DCLK1: variants seen among roughly 807,000 people sequenced by gnomAD.
DCLK1 encodes serine/threonine-protein kinase DCLK1.
Under a neutral mutation model 86.2 loss-of-function variants are expected in DCLK1, and 16 were observed. That is an observed-to-expected ratio of 0.19 (90% confidence interval 0.13 to 0.28). The LOEUF (loss-of-function observed/expected upper bound fraction) is 0.28, where lower values mean the gene tolerates loss of function less well. Ranked by LOEUF, DCLK1 falls within the 10% of genes least tolerant of loss-of-function variation. The probability of loss-of-function intolerance (pLI) is 1.00; values close to 1 mark genes in which losing one functional copy is unlikely to be tolerated. For synonymous variants in DCLK1, 369 were observed against 370.5 expected (o/e 1.00, Z 0.05); for missense variants, 590 against 940.2 (o/e 0.63, Z 4.87).
chr13:35,879,111 A>C (rs1307048171), intron 4 of DCLK1, among the ~76,000 whole-genome samples: 1 of 152,218 alleles, frequency 6.6e-6, no homozygotes, highest in East Asian at 1.9e-4. Context: ...ATAAAACACA[A>C]AAGTGAAAAA....
At chr13:35,941,605 GCACA>G (rs1302645828) in intron 4 of DCLK1, among the ~76,000 whole-genome samples, 1 of 151,786 alleles carries the variant, frequency 6.6e-6, no homozygotes, top group Non-Finnish European at 1.5e-5. Flanking sequence ...ATACACACAC[GCACA>G]CACACACGCA....
At chr13:36,098,844 G>C (rs757445038) in intron 3 of DCLK1, among the ~76,000 whole-genome samples, 21 of 152,104 alleles carry the variant, frequency 1.4e-4, no homozygotes, top group Non-Finnish European at 2.8e-4. Flanking sequence ...CTGAGGGCTA[G>C]GACATTTAGT....
intron 4 of DCLK1, among the ~76,000 whole-genome samples, chr13:35,874,173 C>A (rs1354593406): frequency 1.3e-5 from 2 of 152,164 alleles, no homozygotes; most frequent in Non-Finnish European, 1.5e-5. Context: ...TCTTCCCTAT[C>A]CACGCAATTT....
intron 6 of DCLK1, among the ~76,000 whole-genome samples, chr13:35,840,839 C>A (rs989254844): frequency 6.6e-6 from 1 of 152,216 alleles, no homozygotes; most frequent in Non-Finnish European, 1.5e-5. Flanking sequence ...GGATGGACAT[C>A]TTTTTGTGAA....
At position 35,909,597 on chromosome 13, in the gene DCLK1, ATGTGTGTG is replaced by A. The variant is rs57044533; in HGVS notation, c.823+37753_823+37760del. ...TCTGGTTATTAATTGCTGTGTGCAT[ATGTGTGTG>A]TGTGTGTGTGTGTGTGTGTGTGTGT... is the stretch of plus-strand genomic sequence containing the variant. On this transcript the variant is annotated intron_variant, in intron 4 of 16. Transcript: ENST00000360631. 3.0e-3 allele frequency among the ~76,000 whole-genome samples: 444 copies of A among 146,230 alleles called. 5 individuals carry two copies. The highest frequency in any genetic ancestry group is 9.3e-3 in the African/African-American group (366 of 39,236).
intron 4 of DCLK1, among the ~76,000 whole-genome samples, chr13:35,929,912 G>A (rs909996873): frequency 6.7e-6 from 1 of 148,180 alleles, no homozygotes; most frequent in African/African-American, 2.5e-5. Flanking sequence ...TTTTCCAGAG[G>A]TGTTAAGAGA....
At chr13:35,776,564 T>G (rs564065075) in intron 16 of DCLK1, among the ~76,000 whole-genome samples, 1 of 152,314 alleles carries the variant, frequency 6.6e-6, no homozygotes, top group East Asian at 1.9e-4. Flanking sequence ...CACCCAGGTT[T>G]CTCATCTTTT....
intron 4 of DCLK1, among the ~76,000 whole-genome samples, chr13:35,901,490 T>TAAA (rs1195649939): frequency 5.4e-4 from 1 of 1,860 alleles, no homozygotes. Flanking sequence ...AGACTCTGTC[T>TAAA]CAAAAAAAAA....
At chr13:35,786,861 A>G (rs1161939382) in intron 16 of DCLK1, among the ~76,000 whole-genome samples, 1 of 152,166 alleles carries the variant, frequency 6.6e-6, no homozygotes, top group Non-Finnish European at 1.5e-5. Context: ...TTATAAATGG[A>G]GAAGACACAA....
chr13:36,074,342 A>G (rs896108428), intron 3 of DCLK1, among the ~76,000 whole-genome samples: 1 of 151,948 alleles, frequency 6.6e-6, no homozygotes, highest in African/African-American at 2.4e-5. Flanking sequence ...CTCTACTAAA[A>G]ATACAAAAAA....
intron 3 of DCLK1, among the ~76,000 whole-genome samples, chr13:36,049,138 C>CT (rs1466076139): frequency 1.3e-5 from 2 of 152,052 alleles, no homozygotes; most frequent in Non-Finnish European, 2.9e-5. Context: ...GAAAATGAAA[C>CT]TAAGTATTGC....
intron 3 of DCLK1, among the ~76,000 whole-genome samples, chr13:36,102,158 A>G (rs1885241033): frequency 6.6e-6 from 1 of 151,780 alleles, no homozygotes; most frequent in Non-Finnish European, 1.5e-5. Context: ...TCACTCTGAA[A>G]AGGCATCAGA....
At chr13:35,787,966 A>G (rs181006262) in intron 16 of DCLK1, 20 of 496,994 alleles carry the variant, frequency 4.0e-5, no homozygotes, top group African/African-American at 3.7e-4. Flanking sequence ...CCTTTTAACC[A>G]TAAGGAAAAT....
chr13:36,049,529 T>G (rs1365393986), intron 3 of DCLK1, among the ~76,000 whole-genome samples: 1 of 152,142 alleles, frequency 6.6e-6, no homozygotes, highest in Admixed American at 6.6e-5. Context: ...GGCTGTCCCA[T>G]GTGGTCTAAC....
At chr13:35,874,968 C>T (rs556767681) in intron 4 of DCLK1, among the ~76,000 whole-genome samples, 2 of 152,344 alleles carry the variant, frequency 1.3e-5, no homozygotes, top group South Asian at 2.1e-4. Context: ...ATTTTTATCA[C>T]GTGGCCACTA....
intron 5 of DCLK1, among the ~76,000 whole-genome samples, chr13:35,862,516 A>G (rs990992459): frequency 6.6e-6 from 1 of 152,046 alleles, no homozygotes; most frequent in Admixed American, 6.6e-5. Flanking sequence ...CCGCCATGCC[A>G]CTGTTTCCAA....
rs997413045 is a variant in DCLK1, at chr13:35,970,907, C to T, written c.724-23450G>A. Among the ~76,000 whole-genome samples, 8 of 152,268 alleles carry T rather than the reference C, an allele frequency of 5.3e-5. 1 individual carries two copies. Among genetic ancestry groups the T allele is most frequent in the Middle Eastern group, 6.8e-3 (2 of 294 alleles). The stretch of plus-strand genomic sequence containing the variant: ...AATGTTAATCACCAGCCTCAGTTAG[C>T]ACACGGGGCAGTGGCAGAACAGAGA... On this transcript the variant is annotated intron_variant, in intron 3 of 16. Coordinates refer to ENST00000360631, the MANE Select transcript of DCLK1 (RefSeq NM_001330071.2).
chr13:35,948,018 A>G (rs1303887480), intron 3 of DCLK1, among the ~76,000 whole-genome samples: 1 of 152,246 alleles, frequency 6.6e-6, no homozygotes, highest in African/African-American at 2.4e-5. Flanking sequence ...TGGTAAGTGT[A>G]TGCCCACCAC....
chr13:35,787,882 G>GA, intron 16 of DCLK1: 1 of 351,540 alleles, frequency 2.8e-6, no homozygotes. Flanking sequence ...TTAAGGGACA[G>GA]AAGAGCACTG....
Sources: allele counts gnomAD v4.1 joint callset (sites outside exome capture counted in the v4.1 genomes callset), GRCh38; gene constraint gnomAD v4.1.1; transcripts MANE v1.5; gene names NCBI Gene and HGNC (gene_info 2026-07-23, HGNC 2026-07-21).